The following FARP2 variants were observed in gnomAD, a reference collection of about 807,000 sequenced individuals.
FARP2 encodes FERM, ARHGEF and pleckstrin domain-containing protein 2.
Under a neutral mutation model 130.5 loss-of-function variants are expected in FARP2, and 111 were observed. The ratio of observed to expected loss-of-function variants is 0.85; its 90% CI spans 0.73 to 1.00. FARP2 has a LOEUF of 1.00. FARP2 is among the 50% of genes least tolerant of loss of function. FARP2 has a pLI of 0.00. For synonymous variants in FARP2, 504 were observed against 516.9 expected (o/e 0.98, Z 0.34); for missense variants, 1,385 against 1,346.3 (o/e 1.03, Z -0.45).
At chr2:241,357,705 G>T (rs1026206272) in intron 1 of FARP2, among the ~76,000 whole-genome samples, 1 of 152,066 alleles carries the variant, frequency 6.6e-6, no homozygotes, top group Non-Finnish European at 1.5e-5. Context: ...CTCATTAGGT[G>T]GTTCACTGTT....
At chr2:241,462,262 A>G (rs1379019969) in intron 14 of FARP2, among the ~76,000 whole-genome samples, 1 of 152,266 alleles carries the variant, frequency 6.6e-6, no homozygotes, top group Non-Finnish European at 1.5e-5. Context: ...GATATATAAA[A>G]AATGATTTTA....
chr2:241,412,914 G>C lies in FARP2; in HGVS notation c.509-393G>C, dbSNP rs190219331. Among the ~76,000 whole-genome samples the C allele has an allele frequency of 2.5e-3, 386 of 152,252 alleles. 7 individuals are homozygous for C. The highest frequency in any genetic ancestry group is 7.4e-4 in the Non-Finnish European group (50 of 68,022). Reference sequence around the variant, plus strand: ...ATGATGGTGCTTACCTATAGTCCCAGCTACTTAGGAGGCTGAGGCGGGCAG... The same window carrying C: ...ATGATGGTGCTTACCTATAGTCCCACCTACTTAGGAGGCTGAGGCGGGCAG... On this transcript the variant is annotated intron_variant, in intron 6 of 26. Coordinates refer to ENST00000264042, the MANE Select transcript of FARP2 (RefSeq NM_014808.4).
intron 13 of FARP2, among the ~76,000 whole-genome samples, chr2:241,451,355 C>T (rs2063652993): frequency 6.6e-6 from 1 of 152,170 alleles, no homozygotes; most frequent in Admixed American, 6.5e-5. Flanking sequence ...GGTGAACAGC[C>T]AGTGGACAGT....
At chr2:241,416,056 A>T (rs997553360) in intron 7 of FARP2, among the ~76,000 whole-genome samples, 2 of 148,500 alleles carry the variant, frequency 1.3e-5, no homozygotes, top group African/African-American at 5.0e-5. Context: ...CTGTGTATAC[A>T]TGTGTGGCTG....
rs2061342921 is a variant in FARP2, at chr2:241,367,514, G to T, written c.-24-5570G>T. 2.6e-5 allele frequency among the ~76,000 whole-genome samples: 4 copies of T among 152,240 alleles called. No individual in the cohort carries two copies. The South Asian group carries it at 8.3e-4, about 32-fold the overall frequency. On this transcript the variant is annotated intron_variant, in intron 1 of 26. Transcript: ENST00000264042. The stretch of plus-strand genomic sequence containing the variant: ...ATGCGCCCCAGGGCCGAGGGATTGA[G>T]GAGGAATTCCATTTGAACATCATCA...
At chr2:241,391,342 T>C (rs925206812) in intron 2 of FARP2, among the ~76,000 whole-genome samples, 1 of 152,194 alleles carries the variant, frequency 6.6e-6, no homozygotes, top group Non-Finnish European at 1.5e-5. Flanking sequence ...GCAAATGTGC[T>C]GGGAAGATGG....
At position 241,453,768 on chromosome 2, in the gene FARP2, G is replaced by GTTTTTTTTTTTTTTTT. The variant is rs1559786201; in HGVS notation, c.1412-2979_1412-2978insTTTTTTTTTTTTTTTT. ...TTGTTTACTGGGAGTGGCACTTACT[G>GTTTTTTTTTTTTTTTT]GTTTTTTTTTTTTTTTTTTTTTTTT... is the stretch of plus-strand genomic sequence containing the variant. On this transcript the variant is annotated intron_variant, in intron 13 of 26. Coordinates refer to ENST00000264042, the MANE Select transcript of FARP2 (RefSeq NM_014808.4). 8.0e-5 allele frequency among the ~76,000 whole-genome samples: 8 copies of GTTTTTTTTTTTTTTTT among 99,896 alleles called. 2 individuals are homozygous for GTTTTTTTTTTTTTTTT. The highest frequency in any genetic ancestry group is 8.0e-5 in the African/African-American group (2 of 25,058). 65.5% of individuals were successfully genotyped at this position (99,896 alleles called of 152,430 possible).
intron 2 of FARP2, among the ~76,000 whole-genome samples, chr2:241,375,216 G>T (rs2061508742): frequency 6.6e-6 from 1 of 152,144 alleles, no homozygotes; most frequent in African/African-American, 2.4e-5. Flanking sequence ...CTCCCAAAGT[G>T]CTGGAATTAC....
At chr2:241,407,479 A>G (rs1185724632) in intron 4 of FARP2, 58 bp from the exon 5 acceptor site, 3 of 1,262,620 alleles carry the variant, frequency 2.4e-6, no homozygotes, top group African/African-American at 1.5e-5. Flanking sequence ...TAATATATGA[A>G]AAGAGAATAA....
At chr2:241,430,069 A>C (rs978016468) in intron 8 of FARP2, among the ~76,000 whole-genome samples, 3 of 152,140 alleles carry the variant, frequency 2.0e-5, no homozygotes, top group Non-Finnish European at 4.4e-5. Context: ...TGGAAGGAAG[A>C]GTTTTCTCTC....
At chr2:241,408,455 A>T (rs2062424348) in intron 5 of FARP2, among the ~76,000 whole-genome samples, 1 of 151,982 alleles carries the variant, frequency 6.6e-6, no homozygotes, top group African/African-American at 2.4e-5. Context: ...AGGCAGGAGA[A>T]TCTGTTGAAT....
At chr2:241,378,218 C>T (rs1041568483) in intron 2 of FARP2, among the ~76,000 whole-genome samples, 3 of 151,960 alleles carry the variant, frequency 2.0e-5, no homozygotes, top group East Asian at 1.9e-4. Context: ...TCTCCTGCCT[C>T]AGCCTACTGA....
chr2:241,456,674 TA>T, intron 13 of FARP2, 72 bp from the exon 14 acceptor site: 1 of 1,473,250 alleles, frequency 6.8e-7, no homozygotes, highest in Non-Finnish European at 9.5e-7. Context: ...GTCAGGAGAG[TA>T]GTAGCGGCTC....
intron 25 of FARP2, 113 bp from the exon 26 acceptor site, chr2:241,493,180 C>A: frequency 7.6e-7 from 1 of 1,312,418 alleles, no homozygotes. Flanking sequence ...GGGAAACTGG[C>A]TCCCTTGGCC....
chr2:241,364,454 A>G (rs1444669727), intron 1 of FARP2, among the ~76,000 whole-genome samples: 4 of 152,202 alleles, frequency 2.6e-5, no homozygotes. Flanking sequence ...TTACACTCAA[A>G]CTTCTAACCC....
In FARP2 at chr2:241,418,040, C is replaced by A; in HGVS notation, c.702C>A (p.His234Gln). 2 of 1,614,188 alleles carry A rather than the reference C, an allele frequency of 1.2e-6. No individual in the cohort carries two copies. Residue 234 changes from histidine (H) to glutamine (Q), a missense_variant, in exon 8 of 27, where the codon CAC becomes CAA. By Grantham distance (24) the His-to-Gln change is conservative. Transcript: ENST00000264042. ...TGGAAATGTACGGCATCAGATTTCA[C>A]ATGGCTTCTGACAGGGAAGGAACCA... ...RKLEMYGIRFHMASDREGTKI... is the reference protein window; with the variant it reads ...RKLEMYGIRFQMASDREGTKI...
chr2:241,491,786 G>A lies in FARP2; in HGVS notation c.2787+107G>A, dbSNP rs376145159. 274 of 1,142,036 alleles carry A rather than the reference G, an allele frequency of 2.4e-4. 5 individuals are homozygous for A. In the South Asian group the frequency reaches 4.1e-3, roughly 17 times the overall value. 70.7% of individuals were successfully genotyped at this position (1,142,036 alleles called of 1,614,324 possible). Reference sequence around the variant, plus strand: ...AGGAGGGTACCAGCAGGCAGGCTTGGCCCCAGAGGACTGCCTCTTACTCTC... The same window carrying A: ...AGGAGGGTACCAGCAGGCAGGCTTGACCCCAGAGGACTGCCTCTTACTCTC... On this transcript the variant is annotated intron_variant, in intron 24 of 26. Coordinates refer to ENST00000264042, the MANE Select transcript of FARP2 (RefSeq NM_014808.4).
intron 5 of FARP2, among the ~76,000 whole-genome samples, chr2:241,410,709 C>T (rs1160653892): frequency 3.3e-5 from 5 of 152,134 alleles, no homozygotes; most frequent in South Asian, 4.1e-4. Context: ...GGATTACAGG[C>T]GGGAGCCATC....
At chr2:241,454,673 C>T (rs1470095090) in intron 13 of FARP2, among the ~76,000 whole-genome samples, 2 of 152,150 alleles carry the variant, frequency 1.3e-5, no homozygotes, top group East Asian at 1.9e-4. Flanking sequence ...TGAGGCAAGG[C>T]GGAAGTAGGA....
Sources: gnomAD v4.1 joint callset for allele counts (sites outside exome capture counted in the v4.1 genomes callset) on GRCh38, gnomAD v4.1.1 for gene constraint, MANE v1.5 for transcripts, NCBI Gene and HGNC (gene_info 2026-07-23, HGNC 2026-07-21) for gene names.